RUSC2: variants seen among roughly 807,000 people sequenced by gnomAD.
RUSC2 encodes AP-4 complex accessory subunit RUSC2.
A neutral mutation model predicts 122.2 loss-of-function variants in RUSC2; 34 were observed. The observed-to-expected ratio is 0.28, with a 90% CI of 0.21 to 0.37. RUSC2 has a LOEUF of 0.37. RUSC2 is among the 10% of genes least tolerant of loss of function. The pLI is 1.00. For synonymous variants in RUSC2, 784 were observed against 790.0 expected, an observed-to-expected ratio of 0.99 and a Z score of 0.13; for missense variants, 1,747 against 1,952.4, an observed-to-expected ratio of 0.89 and a Z score of 1.98.
intron 2 of RUSC2, among the ~76,000 whole-genome samples, chr9:35,553,303 T>G (rs1450604919): frequency 1.3e-5 from 2 of 152,192 alleles, no homozygotes; most frequent in East Asian, 3.9e-4. Context: ...GTAGTGAGAC[T>G]GGCTTGAATC....
At chr9:35,538,931 C>G (rs1319841794) in intron 1 of RUSC2, 1 of 152,384 alleles carries the variant, frequency 6.6e-6, no homozygotes, top group Admixed American at 6.5e-5. Context: ...ATTGCGCAGC[C>G]TCCCTGCATT....
intron 1 of RUSC2, chr9:35,539,006 A>G (rs2067110): frequency 0.67 from 102,663 of 152,148 alleles, 34,994 homozygotes; most frequent in Admixed American, 0.74. Context: ...CCCCTGTGTG[A>G]TCCCGTGGAA....
At position 35,496,875 on chromosome 9, in the gene RUSC2, A is replaced by G. The variant is rs112752897; in HGVS notation, c.-93+6703A>G. Among the ~76,000 whole-genome samples the G allele has an allele frequency of 5.9e-3, 897 of 152,300 alleles. 15 individuals are homozygous for G. The highest frequency in any genetic ancestry group is 0.021 in the African/African-American group (861 of 41,560). ...CTCACTTGACAGCTGTACAAAAGACAGTTATGTTTTTGCCTAGAGGACGCT... is the reference window on the plus strand; with the variant it reads ...CTCACTTGACAGCTGTACAAAAGACGGTTATGTTTTTGCCTAGAGGACGCT... On this transcript the variant is annotated intron_variant, in intron 1 of 11. Coordinates refer to ENST00000361226, the MANE Select transcript of RUSC2 (RefSeq NM_014806.5).
rs1166878371 is a variant in RUSC2, at chr9:35,496,564, C to T, written c.-93+6392C>T. 3.9e-5 allele frequency among the ~76,000 whole-genome samples: 6 copies of T among 152,240 alleles called. No individual in the cohort carries two copies. The East Asian group carries it at 7.7e-4, about 20-fold the overall frequency. The stretch of plus-strand genomic sequence containing the variant: ...CTGTTGTAAACCAAGTTCTGTGATA[C>T]GTCAATTCCTGGTGTTGTCCTATTT... On this transcript the variant is annotated intron_variant, in intron 1 of 11. Transcript: ENST00000361226.
intron 1 of RUSC2, among the ~76,000 whole-genome samples, chr9:35,499,813 TCTC>T (rs1409700620): frequency 3.9e-5 from 6 of 152,164 alleles, no homozygotes; most frequent in African/African-American, 1.4e-4. Context: ...AGAGCAAAGT[TCTC>T]CTAAAGGCAG....
intron 1 of RUSC2, among the ~76,000 whole-genome samples, chr9:35,515,686 G>A (rs1004215900): frequency 1.6e-4 from 25 of 151,944 alleles, no homozygotes; most frequent in Admixed American, 1.4e-3. Context: ...TACTTTGCAC[G>A]GTTATCATGA....
chr9:35,520,985 C>G (rs747388205), intron 1 of RUSC2, among the ~76,000 whole-genome samples: 115 of 152,310 alleles, frequency 7.6e-4, no homozygotes, highest in Middle Eastern at 3.4e-3. Context: ...CCTCTCTCCC[C>G]CTAATACATC....
chr9:35,560,433 G>A lies in RUSC2; in HGVS notation c.3793G>A (p.Gly1265Ser), dbSNP rs1450030748. The A allele has an allele frequency of 6.2e-7, 1 of 1,614,222 alleles. No individual in the cohort carries two copies. The highest frequency in any genetic ancestry group is 8.5e-7 in the Non-Finnish European group (1 of 1,180,030). ...CTCAGGGCGTGCCAGGTGGGCCCGAGGTGGGCAGGCCGGCTGGTGGTACCA... is the reference window on the plus strand; with the variant it reads ...CTCAGGGCGTGCCAGGTGGGCCCGAAGTGGGCAGGCCGGCTGGTGGTACCA... ...GGSGRARWAR[G>S]GQAGWWYQLM... Residue 1265 changes from glycine (G) to serine (S), a missense_variant, in exon 10 of 12, where the codon GGT (glycine) becomes AGT (serine). Gly to Ser is a moderately conservative substitution (Grantham distance 56). Coordinates refer to ENST00000361226, the MANE Select transcript of RUSC2 (RefSeq NM_014806.5).
At chr9:35,522,492 C>T (rs967438693) in intron 1 of RUSC2, among the ~76,000 whole-genome samples, 1 of 152,146 alleles carries the variant, frequency 6.6e-6, no homozygotes, top group Non-Finnish European at 1.5e-5. Flanking sequence ...ACCCTTACAC[C>T]CTGAAACTTT....
At chr9:35,518,684 A>T (rs1481978189) in intron 1 of RUSC2, among the ~76,000 whole-genome samples, 1 of 152,180 alleles carries the variant, frequency 6.6e-6, no homozygotes, top group Non-Finnish European at 1.5e-5. Flanking sequence ...TCTAGGAAAA[A>T]ATCTCTGGTG....
At chr9:35,531,660 A>C (rs1381501895) in intron 1 of RUSC2, among the ~76,000 whole-genome samples, 2 of 152,202 alleles carry the variant, frequency 1.3e-5, no homozygotes, top group African/African-American at 4.8e-5. Context: ...TTTAGCTTAG[A>C]GAGTGGTTAT....
intron 1 of RUSC2, among the ~76,000 whole-genome samples, chr9:35,497,433 G>A (rs976246255): frequency 3.3e-5 from 5 of 152,112 alleles, no homozygotes; most frequent in African/African-American, 9.7e-5. Flanking sequence ...GGTAGAATTT[G>A]TTCCATGGGT....
At position 35,528,512 on chromosome 9, in the gene RUSC2, T is replaced by C. The variant is rs1445900667; in HGVS notation, c.-92-17918T>C. 1.5e-3 allele frequency among the ~76,000 whole-genome samples: 229 copies of C among 148,534 alleles called. 2 individuals carry two copies. Among genetic ancestry groups the C allele is most frequent in the East Asian group, 0.012 (60 of 5,120 alleles). ...ATTCTCTTTATGCGATTTGATACCT[T>C]TTTTTTTTTTTTGAGATGGAGTTTC... On this transcript the variant is annotated intron_variant, in intron 1 of 11. Coordinates refer to ENST00000361226, the MANE Select transcript of RUSC2 (RefSeq NM_014806.5).
At chr9:35,491,783 C>G (rs966662139) in intron 1 of RUSC2, among the ~76,000 whole-genome samples, 2 of 152,148 alleles carry the variant, frequency 1.3e-5, no homozygotes, top group African/African-American at 2.4e-5. Flanking sequence ...AACCCCATCT[C>G]TACTAAAAAT....
chr9:35,547,930 C>G lies in RUSC2; in HGVS notation c.1409C>G (p.Ala470Gly). The change falls in exon 2 of 12, where the codon GCT (alanine) becomes GGT (glycine). Residue 470 changes from alanine to glycine, a missense_variant. Ala to Gly is a moderately conservative substitution (Grantham distance 60). Transcript: ENST00000361226. The surrounding 1 kb of genome is among the most constrained non-coding windows in gnomAD (Gnocchi z 4.6). Reference sequence around the variant, plus strand: ...AGTTCCTCCACCCAAGCAGCAGCTGCTGTGGGCCCCACTGTGCTTGAGGGA... The same window carrying G: ...AGTTCCTCCACCCAAGCAGCAGCTGGTGTGGGCCCCACTGTGCTTGAGGGA... ...AVSSSTQAAA[A>G]VGPTVLEGQV... 6.2e-7 allele frequency: 1 copy of G among 1,614,246 alleles called. No individual in the cohort carries two copies. Among genetic ancestry groups the G allele is most frequent in the Non-Finnish European group, 8.5e-7 (1 of 1,180,044 alleles).
chr9:35,548,071 T>C lies in RUSC2; in HGVS notation c.1550T>C (p.Met517Thr). Residue 517 changes from methionine (M) to threonine (T), a missense_variant, in exon 2 of 12, where the codon ATG (methionine) becomes ACG (threonine). Met to Thr is a moderately conservative substitution (Grantham distance 81, BLOSUM62 -1). Coordinates refer to ENST00000361226, the MANE Select transcript of RUSC2 (RefSeq NM_014806.5). This position sits in a 1 kb window ranked among gnomAD's most constrained non-coding sequence, Gnocchi z 4.5. Reference protein sequence around the residue: ...PPVRLGSLERMLSCPVRLSEG... With the variant: ...PPVRLGSLERTLSCPVRLSEG... ...GTCCGCCTGGGCTCGCTGGAACGTATGTTGAGTTGCCCAGTGCGCTTGAGT... is the reference window on the plus strand; with the variant it reads ...GTCCGCCTGGGCTCGCTGGAACGTACGTTGAGTTGCCCAGTGCGCTTGAGT... 6.2e-7 allele frequency: 1 copy of C among 1,613,372 alleles called. No homozygotes were observed. Among genetic ancestry groups the C allele is most frequent in the Non-Finnish European group, 8.5e-7 (1 of 1,180,032 alleles).
intron 1 of RUSC2, among the ~76,000 whole-genome samples, chr9:35,490,702 C>T (rs1057415307): frequency 6.6e-6 from 1 of 152,198 alleles, no homozygotes; most frequent in Admixed American, 6.5e-5. Flanking sequence ...CCGGCGCCGG[C>T]GTTGCTTCAG....
chr9:35,561,664 C>CAAGT lies in RUSC2; in HGVS notation c.*283_*286dup. 5 of 540,474 alleles carry CAAGT rather than the reference C, an allele frequency of 9.3e-6. No individual in the cohort carries two copies. The Admixed American group carries it at 1.3e-4, about 14-fold the overall frequency. 33.5% of individuals were successfully genotyped at this position (540,474 alleles called of 1,614,324 possible). A position where few individuals can be genotyped will look rare whatever the true frequency, so the allele number is the denominator to read the frequency against. On this transcript the variant is annotated 3_prime_UTR_variant, in exon 12 of 12. Transcript: ENST00000361226. ...CAACCCTTCCATGGGTGAAGACAAG[C>CAAGT]AAGTCCCCCTGGAGGCGGGTGGCCC...
chr9:35,497,692 A>T lies in RUSC2; in HGVS notation c.-93+7520A>T, dbSNP rs545098807. Reference sequence around the variant, plus strand: ...CATTGATATTATTAATGATATGCACACTCATGTCCACTTAACTGACCCTCT... The same window carrying T: ...CATTGATATTATTAATGATATGCACTCTCATGTCCACTTAACTGACCCTCT... On this transcript the variant is annotated intron_variant, in intron 1 of 11. Transcript: ENST00000361226. Among the ~76,000 whole-genome samples, 3 of 152,232 alleles carry T rather than the reference A, an allele frequency of 2.0e-5. No homozygotes were observed. The South Asian group carries it at 6.2e-4, about 32-fold the overall frequency.
Sources: allele counts gnomAD v4.1 joint callset (sites outside exome capture counted in the v4.1 genomes callset), GRCh38; gene constraint gnomAD v4.1.1; non-coding constraint Gnocchi (gnomAD v3.1); transcripts MANE v1.5; gene names NCBI Gene and HGNC (gene_info 2026-07-23, HGNC 2026-07-21).